SMARCA4: variants seen among roughly 807,000 people sequenced by gnomAD.
SMARCA4 encodes the protein SWI/SNF-related matrix-associated actin-dependent regulator of chromatin subfamily A member 4.
Under a neutral mutation model 193.9 loss-of-function variants are expected in SMARCA4, and 31 were observed. The ratio of observed to expected loss-of-function variants is 0.16; its 90% CI spans 0.12 to 0.22. SMARCA4 has a LOEUF of 0.22. Among genes scored for constraint, SMARCA4 ranks in the 10% least tolerant of loss-of-function variants. The pLI is 1.00. For synonymous variants in SMARCA4, 942 were observed against 933.1 expected (o/e 1.01, Z -0.17); for missense variants, 1,148 against 2,296.0 (o/e 0.50, Z 10.22).
Position 11,019,131 on chromosome 19 carries a change from C to T in SMARCA4, c.2505+108C>T. ...CAGTGAACCTGAGAATGCTGGGTCT[C>T]CAGTCGCATGGAGTCTCCAGGACAG... is the stretch of plus-strand genomic sequence containing the variant. On this transcript the variant is annotated intron_variant, in intron 17 of 34. Transcript: ENST00000344626. The surrounding 1 kb of genome is among the most constrained non-coding windows in gnomAD (Gnocchi z 6.1). 1.1e-6 allele frequency: 1 copy of T among 873,648 alleles called. No individual in the cohort carries two copies. Among genetic ancestry groups the T allele is most frequent in the Non-Finnish European group, 1.9e-6 (1 of 515,732 alleles). The allele number at this position is 873,648 out of a possible 1,614,324, so 54.1% of individuals were successfully genotyped here. A position where few individuals can be genotyped will look rare whatever the true frequency, so the allele number is the denominator to read the frequency against.
intron 1 of SMARCA4, among the ~76,000 whole-genome samples, chr19:10,967,804 C>T (rs2084350469): frequency 8.6e-5 from 13 of 151,596 alleles, no homozygotes; most frequent in Admixed American, 8.5e-4. Flanking sequence ...CCTACCTCAG[C>T]CTCCTGAGTA....
At chr19:11,039,067 A>G (rs1435994450) in intron 29 of SMARCA4, among the ~76,000 whole-genome samples, 1 of 151,960 alleles carries the variant, frequency 6.6e-6, no homozygotes, top group East Asian at 1.9e-4. Flanking sequence ...ATTAAAAAAA[A>G]AAATGCCAGG....
chr19:11,048,565 C>T (rs1213266557), intron 30 of SMARCA4, among the ~76,000 whole-genome samples: 1 of 152,200 alleles, frequency 6.6e-6, no homozygotes, highest in East Asian at 1.9e-4. Context: ...GTGTCAGGAG[C>T]CTGCCTCGCC....
chr19:11,015,605 G>A (rs1262038797), intron 16 of SMARCA4, among the ~76,000 whole-genome samples: 1 of 152,144 alleles, frequency 6.6e-6, no homozygotes, highest in Non-Finnish European at 1.5e-5. Context: ...AACGTACTTC[G>A]ACACTTGTGA....
intron 11 of SMARCA4, among the ~76,000 whole-genome samples, chr19:10,998,812 A>G (rs917159483): frequency 6.6e-6 from 1 of 151,224 alleles, no homozygotes; most frequent in Non-Finnish European, 1.5e-5. Context: ...TTCCTGGAGC[A>G]CTTCCTTCCT....
intron 13 of SMARCA4, among the ~76,000 whole-genome samples, chr19:11,003,853 A>G (rs2087901304): frequency 3.3e-5 from 5 of 151,428 alleles, no homozygotes; most frequent in Admixed American, 3.3e-4. Flanking sequence ...CTGGGACTAC[A>G]GGCGCCTGCC....
Position 10,987,532 on chromosome 19 carries a change from C to A in SMARCA4, c.860-134C>A. 3.0e-6 allele frequency: 3 copies of A among 990,582 alleles called. No individual in the cohort carries two copies. The highest frequency in any genetic ancestry group is 1.4e-5 in the South Asian group (1 of 69,582). The allele number at this position is 990,582 out of a possible 1,614,324, so 61.4% of individuals were successfully genotyped here. A position where few individuals can be genotyped will look rare whatever the true frequency, so the allele number is the denominator to read the frequency against. ...AGCCCAAGGCAGGTGTGAAGGACAC[C>A]CCTGGGTGAAAGGTGGGAGATGGGC... On this transcript the variant is annotated intron_variant, in intron 5 of 34. Transcript: ENST00000344626. This position sits in a 1 kb window ranked among gnomAD's most constrained non-coding sequence, Gnocchi z 5.3.
intron 30 of SMARCA4, among the ~76,000 whole-genome samples, chr19:11,046,948 C>CAA (rs35450843): frequency 0.09 from 8,283 of 91,602 alleles, 580 homozygotes; most frequent in East Asian, 0.35. Context: ...GACCCTGTTG[C>CAA]AAAAAAAAAA....
chr19:10,971,728 A>G (rs896298992), intron 1 of SMARCA4, among the ~76,000 whole-genome samples: 4 of 151,362 alleles, frequency 2.6e-5, no homozygotes, highest in African/African-American at 9.7e-5. Context: ...TCAACCTCCC[A>G]AAGTGCTGGA....
In SMARCA4 at chr19:10,987,793, G is replaced by C; in HGVS notation, c.987G>C (p.Gln329His). 2 of 1,602,292 alleles carry C rather than the reference G, an allele frequency of 1.2e-6. No individual in the cohort carries two copies. Among genetic ancestry groups the C allele is most frequent in the Non-Finnish European group, 8.5e-7 (1 of 1,175,200 alleles). The change falls in exon 6 of 35, where the codon CAG becomes CAC. Residue 329 changes from glutamine to histidine, a missense_variant. Gln to His is a conservative substitution (Grantham distance 24). Transcript: ENST00000344626. The surrounding 1 kb of genome is among the most constrained non-coding windows in gnomAD (Gnocchi z 5.3). The stretch of plus-strand genomic sequence containing the variant: ...CCGCCTCGCCCGTGATGCCACCGCA[G>C]ACCCAGTCCCCCGGGCAGCCGGCCC... ...PPAASPVMPP[Q>H]TQSPGQPAQP...
At chr19:11,039,888 C>G (rs530840301) in intron 29 of SMARCA4, 1 of 168,112 alleles carries the variant, frequency 5.9e-6, no homozygotes, top group African/African-American at 2.4e-5. Flanking sequence ...TAAGACCATC[C>G]TGGCCAACAT....
At chr19:11,042,808 G>A (rs988784896) in intron 30 of SMARCA4, among the ~76,000 whole-genome samples, 2 of 152,064 alleles carry the variant, frequency 1.3e-5, no homozygotes, top group African/African-American at 2.4e-5. Flanking sequence ...ACAACATGGT[G>A]AAAACCCATC....
At position 11,024,313 on chromosome 19, in the gene SMARCA4, A is replaced by G. The variant is rs762421583; in HGVS notation, c.2974-18A>G. 5 of 1,581,004 alleles carry G rather than the reference A, an allele frequency of 3.2e-6. No individual in the cohort carries two copies. In the Admixed American group the frequency reaches 6.7e-5, roughly 21 times the overall value. ...CAAGCCACCTTGGGCCCTCGTGAGC[A>G]TTATGTGTCCCCTGCAGGTGGAGTA... On this transcript the variant is annotated intron_variant, in intron 20 of 34. Coordinates refer to ENST00000344626, the MANE Select transcript of SMARCA4 (RefSeq NM_003072.5).
intron 13 of SMARCA4, among the ~76,000 whole-genome samples, 198 bp from the exon 14 acceptor site, chr19:11,007,704 C>T (rs1043986800): frequency 1.3e-5 from 2 of 151,740 alleles, no homozygotes; most frequent in African/African-American, 4.8e-5. Flanking sequence ...CTGAGACTCC[C>T]ATATATTAAA....
At chr19:11,042,664 A>G (rs983279779) in intron 30 of SMARCA4, among the ~76,000 whole-genome samples, 4 of 152,226 alleles carry the variant, frequency 2.6e-5, no homozygotes, top group Non-Finnish European at 4.4e-5. Context: ...GGATGGTAAC[A>G]ATTGGAGTGC....
At chr19:10,995,982 A>G (rs2087001137) in intron 9 of SMARCA4, 2 of 611,904 alleles carry the variant, frequency 3.3e-6, no homozygotes, top group African/African-American at 1.8e-5. Flanking sequence ...GCCTCTGTAA[A>G]TGGCTGCTGG....
chr19:11,025,394 A>G, intron 21 of SMARCA4, 28 bp from the exon 22 acceptor site: 1 of 1,531,764 alleles, frequency 6.5e-7, no homozygotes, highest in Non-Finnish European at 9.0e-7. Flanking sequence ...GCAAGACCCC[A>G]TTTGGGTCCC....
chr19:11,029,231 G>A (rs1273983563), intron 24 of SMARCA4, among the ~76,000 whole-genome samples: 1 of 152,194 alleles, frequency 6.6e-6, no homozygotes, highest in Non-Finnish European at 1.5e-5. Flanking sequence ...TCTCTCCAGC[G>A]GCTTCTCCCG....
intron 1 of SMARCA4, among the ~76,000 whole-genome samples, chr19:10,981,286 C>T (rs2085531988): frequency 1.3e-5 from 2 of 152,242 alleles, no homozygotes; most frequent in Admixed American, 6.5e-5. Flanking sequence ...GGGCTTCCCA[C>T]CTATGGAGGT....
Sources: gnomAD v4.1 joint callset for allele counts (sites outside exome capture counted in the v4.1 genomes callset) on GRCh38, gnomAD v4.1.1 for gene constraint, Gnocchi (gnomAD v3.1) non-coding constraint, MANE v1.5 for transcripts, NCBI Gene and HGNC (gene_info 2026-07-23, HGNC 2026-07-21) for gene names.